DHX29: variants seen among roughly 807,000 people sequenced by gnomAD.
The protein encoded by DHX29 is ATP-dependent RNA helicase DHX29.
DHX29 carries 79 observed loss-of-function variants against 167.9 expected under a neutral mutation model. The observed-to-expected ratio is 0.47, with a 90% CI of 0.39 to 0.57. The LOEUF (loss-of-function observed/expected upper bound fraction) is 0.57. Among genes scored for constraint, DHX29 ranks in the 20% least tolerant of loss-of-function variants. The pLI is 0.00. For missense variants in DHX29, 1,347 were observed against 1,593.4 expected, an observed-to-expected ratio of 0.85 and a Z score of 2.63; for synonymous variants, 530 against 546.0, an observed-to-expected ratio of 0.97 and a Z score of 0.41.
At chr5:55,281,685 CTATT>C (rs1304003005) in intron 11 of DHX29, among the ~76,000 whole-genome samples, 170 bp from the exon 12 acceptor site, 1 of 151,704 alleles carries the variant, frequency 6.6e-6, no homozygotes, top group Non-Finnish European at 1.5e-5. Flanking sequence ...ATTAGCAAAT[CTATT>C]TAGTGCAATT....
intron 12 of DHX29, among the ~76,000 whole-genome samples, chr5:55,278,784 G>A (rs746296599): frequency 3.3e-5 from 5 of 152,222 alleles, no homozygotes; most frequent in Non-Finnish European, 7.3e-5. Flanking sequence ...TACACAGTGT[G>A]TATGAATTCA....
intron 11 of DHX29, among the ~76,000 whole-genome samples, chr5:55,282,742 AT>A (rs969311272): frequency 8.0e-5 from 12 of 149,098 alleles, no homozygotes; most frequent in Admixed American, 3.4e-4. Flanking sequence ...TATTTTTCTC[AT>A]TTTTTTTTTA....
At chr5:55,297,856 C>A (rs1748400518) in intron 2 of DHX29, among the ~76,000 whole-genome samples, 2 of 152,160 alleles carry the variant, frequency 1.3e-5, no homozygotes, top group South Asian at 4.1e-4. Flanking sequence ...ATTCTTTTGG[C>A]TTCTAGACTT....
At chr5:55,297,968 T>C (rs565897646) in intron 2 of DHX29, among the ~76,000 whole-genome samples, 13 of 152,212 alleles carry the variant, frequency 8.5e-5, no homozygotes, top group African/African-American at 1.4e-4. Flanking sequence ...CTTCCCTTTG[T>C]TACTTTTTAA....
At position 55,289,442 on chromosome 5, in the gene DHX29, A is replaced by C; in HGVS notation, c.908-14T>G. The C allele has an allele frequency of 6.6e-7, 1 of 1,516,234 alleles. No homozygotes were observed. Among genetic ancestry groups the C allele is most frequent in the Non-Finnish European group, 8.7e-7 (1 of 1,143,316 alleles). 93.9% of individuals were successfully genotyped at this position (1,516,234 alleles called of 1,614,324 possible). A position where few individuals can be genotyped will look rare whatever the true frequency, so the allele number is the denominator to read the frequency against. On this transcript the variant is annotated splice_polypyrimidine_tract_variant and intron_variant, in intron 7 of 26. Transcript: ENST00000251636. ...AAGTTTCCATTTCTACCAAGAAAAAAATATAATGTTTAGTTTCATGGTTTT... is the reference window on the plus strand; with the variant it reads ...AAGTTTCCATTTCTACCAAGAAAAACATATAATGTTTAGTTTCATGGTTTT...
intron 7 of DHX29, 148 bp downstream of exon 7, chr5:55,290,070 A>G: frequency 1.1e-6 from 1 of 943,102 alleles, no homozygotes; most frequent in South Asian, 1.7e-5. Flanking sequence ...CACAGTATTT[A>G]CTACTTATTA....
intron 25 of DHX29, among the ~76,000 whole-genome samples, chr5:55,261,118 A>T (rs1746294797): frequency 6.6e-6 from 1 of 152,194 alleles, no homozygotes; most frequent in South Asian, 2.1e-4. Context: ...CATAAAGTTA[A>T]CTATTGAAGT....
At chr5:55,280,516 T>C (rs927161607) in intron 12 of DHX29, among the ~76,000 whole-genome samples, 1 of 152,294 alleles carries the variant, frequency 6.6e-6, no homozygotes, top group Admixed American at 6.5e-5. Context: ...ACTGATTAAA[T>C]CTAGGTCTTG....
At chr5:55,296,160 C>T in intron 4 of DHX29, 60 bp downstream of exon 4, 1 of 1,529,350 alleles carries the variant, frequency 6.5e-7, no homozygotes, top group South Asian at 1.3e-5. Context: ...AAGGTTGATA[C>T]AAATACCAAA....
chr5:55,274,809 A>G, intron 15 of DHX29, 57 bp downstream of exon 15: 1 of 1,571,418 alleles, frequency 6.4e-7, no homozygotes, highest in Non-Finnish European at 8.6e-7. Context: ...AAACATCTCC[A>G]GCTAGTAGAA....
intron 1 of DHX29, among the ~76,000 whole-genome samples, chr5:55,301,222 C>T (rs1748581582): frequency 6.6e-6 from 1 of 152,200 alleles, no homozygotes; most frequent in Admixed American, 6.5e-5. Context: ...CTAGCTTCTG[C>T]ATTCAATCTG....
In DHX29 at chr5:55,262,637, T is replaced by A; in HGVS notation, c.3821A>T (p.Gln1274Leu). The A allele has an allele frequency of 6.2e-7, 1 of 1,613,844 alleles. No individual in the cohort carries two copies. The highest frequency in any genetic ancestry group is 8.5e-7 in the Non-Finnish European group (1 of 1,179,790). The stretch of plus-strand genomic sequence containing the variant: ...TAGGAATGAGTACTTCACCTTCTCC[T>A]GGTATAAGAGCCATCCATGAGTTTG... ...DLQTHGWLLY[Q>L]EKIRYARVYL... The change falls in exon 24 of 27, where the codon CAG (glutamine) becomes CTG (leucine). Residue 1274 changes from glutamine (Q) to leucine (L), a missense_variant. Gln to Leu is a moderately radical substitution (Grantham distance 113). This residue lies in a region of DHX29 where 882 missense variants were observed against 1,082.4 expected (regional missense o/e 0.81). Transcript: ENST00000251636.
intron 1 of DHX29, among the ~76,000 whole-genome samples, chr5:55,304,480 T>C (rs1278297964): frequency 6.6e-6 from 1 of 151,786 alleles, no homozygotes; most frequent in Non-Finnish European, 1.5e-5. Flanking sequence ...GCCCAGCTAA[T>C]TTTTTATATT....
chr5:55,275,789 GTCTA>G (rs759980789), intron 14 of DHX29, among the ~76,000 whole-genome samples: 29 of 151,902 alleles, frequency 1.9e-4, no homozygotes, highest in Admixed American at 2.6e-4. Flanking sequence ...GTGTCTGTCT[GTCTA>G]TCTATCTATC....
At position 55,307,585 on chromosome 5, in the gene DHX29, G is replaced by C. The variant is rs1259557553; in HGVS notation, c.-12C>G. 6.2e-7 allele frequency: 1 copy of C among 1,612,830 alleles called. No individual in the cohort carries two copies. Among genetic ancestry groups the C allele is most frequent in the East Asian group, 2.2e-5 (1 of 44,866 alleles). On this transcript the variant is annotated 5_prime_UTR_variant, in exon 1 of 27. Transcript: ENST00000251636. ...TTCTTGCCGCCCATGTTGCAGCTGTGGCAGAAGATCCTTCGCGGCCCAGGC... is the reference window on the plus strand; with the variant it reads ...TTCTTGCCGCCCATGTTGCAGCTGTCGCAGAAGATCCTTCGCGGCCCAGGC...
Position 55,256,538 on chromosome 5 carries a change from C to T in DHX29, c.4060G>A (p.Asp1354Asn). The T allele has an allele frequency of 6.3e-7, 1 of 1,586,284 alleles. No individual in the cohort carries two copies. Among genetic ancestry groups the T allele is most frequent in the Non-Finnish European group, 8.5e-7 (1 of 1,170,956 alleles). ...TCCGTAATGATCTGCAGAATCTTGT[C>T]ATCTGAGTGGAAGGAAAAAAAAAAG... ...LENPKMSLEN[D>N]KILQIITELI... Residue 1354 changes from aspartate to asparagine, a missense_variant and splice_region_variant, in exon 27 of 27, where the codon GAC becomes AAC. Physicochemically the swap from Asp to Asn is conservative, Grantham distance 23 (BLOSUM62 1). Transcript: ENST00000251636.
At chr5:55,274,445 A>G (rs1747004976) in intron 16 of DHX29, among the ~76,000 whole-genome samples, 169 bp downstream of exon 16, 1 of 152,194 alleles carries the variant, frequency 6.6e-6, no homozygotes, top group African/African-American at 2.4e-5. Flanking sequence ...AAAAATTTTT[A>G]GTAGATAACA....
At chr5:55,268,010 C>G (rs1205850055) in intron 21 of DHX29, among the ~76,000 whole-genome samples, 188 bp from the exon 22 acceptor site, 1 of 151,894 alleles carries the variant, frequency 6.6e-6, no homozygotes, top group Non-Finnish European at 1.5e-5. Flanking sequence ...CTATAGCTAA[C>G]TTATATTTTC....
In DHX29 at chr5:55,269,574, C is replaced by A; in HGVS notation, c.3133G>T (p.Val1045Leu). The A allele has an allele frequency of 6.2e-7, 1 of 1,614,106 alleles. No homozygotes were observed. Among genetic ancestry groups the A allele is most frequent in the Non-Finnish European group, 8.5e-7 (1 of 1,180,030 alleles). Residue 1045 changes from valine to leucine, a missense_variant, in exon 21 of 27, where the codon GTG becomes TTG. Val to Leu is a conservative substitution (Grantham distance 32). Coordinates refer to ENST00000251636, the MANE Select transcript of DHX29 (RefSeq NM_019030.4). ...SKALDPPQLQ[V>L]ISNAMNLLRK... ...AGCAAATTCATTGCATTGCTGATCA[C>A]TTGGAGCTGAGGAGGATCTAAGGCT...
Sources: gnomAD v4.1 joint callset for allele counts (sites outside exome capture counted in the v4.1 genomes callset) on GRCh38, gnomAD v4.1.1 for gene constraint, gnomAD v4.1.1 regional missense constraint, MANE v1.5 for transcripts, NCBI Gene and HGNC (gene_info 2026-07-23, HGNC 2026-07-21) for gene names.